CTNND2: variants seen among roughly 807,000 people sequenced by gnomAD.
The protein encoded by CTNND2 is catenin delta 2, also known as catenin delta-2.
A neutral mutation model predicts 144.4 loss-of-function variants in CTNND2; 22 were observed. The observed-to-expected ratio is 0.15, with a 90% confidence interval of 0.11 to 0.22. The LOEUF (loss-of-function observed/expected upper bound fraction) is 0.22. CTNND2 is among the 10% of genes least tolerant of loss of function. The pLI is 1.00. For synonymous variants in CTNND2, 751 were observed against 695.6 expected, an observed-to-expected ratio of 1.08 and a Z score of -1.25; for missense variants, 1,353 against 1,618.8, an observed-to-expected ratio of 0.84 and a Z score of 2.82.
intron 10 of CTNND2, among the ~76,000 whole-genome samples, chr5:11,211,000 C>T (rs1168177488): frequency 6.6e-6 from 1 of 152,104 alleles, no homozygotes; most frequent in Non-Finnish European, 1.5e-5. Flanking sequence ...GAGGATCTCG[C>T]AATTTTCTAG....
chr5:11,500,281 C>T (rs1174551504), intron 3 of CTNND2, among the ~76,000 whole-genome samples: 1 of 152,152 alleles, frequency 6.6e-6, no homozygotes, highest in African/African-American at 2.4e-5. Context: ...ATCCCTAACA[C>T]ATGGCAAGCT....
intron 11 of CTNND2, among the ~76,000 whole-genome samples, chr5:11,170,220 G>A (rs1759760431): frequency 6.6e-6 from 1 of 152,162 alleles, no homozygotes; most frequent in South Asian, 2.1e-4. Context: ...TATTTGAATT[G>A]GAGGGAAGAG....
intron 9 of CTNND2, among the ~76,000 whole-genome samples, chr5:11,335,320 T>A (rs558667233): frequency 6.6e-6 from 1 of 152,334 alleles, no homozygotes; most frequent in South Asian, 2.1e-4. Flanking sequence ...CAATGGAAAT[T>A]AATTTTCATT....
chr5:11,498,935 T>C (rs1403208059), intron 3 of CTNND2, among the ~76,000 whole-genome samples: 2 of 152,204 alleles, frequency 1.3e-5, no homozygotes, highest in African/African-American at 2.4e-5. Flanking sequence ...TTAAATGTAT[T>C]TGATGGCTTT....
intron 3 of CTNND2, among the ~76,000 whole-genome samples, chr5:11,470,119 G>C (rs1293822599): frequency 6.6e-6 from 1 of 152,208 alleles, no homozygotes; most frequent in East Asian, 1.9e-4. Flanking sequence ...CTATTATCAG[G>C]ATAGTTTTAG....
intron 2 of CTNND2, among the ~76,000 whole-genome samples, chr5:11,630,493 G>A (rs1248263336): frequency 6.6e-6 from 1 of 152,120 alleles, no homozygotes; most frequent in East Asian, 1.9e-4. Flanking sequence ...GGTGTAAAGA[G>A]GTCATCTTTT....
intron 19 of CTNND2, among the ~76,000 whole-genome samples, chr5:10,990,166 C>G (rs1434864705): frequency 6.6e-6 from 1 of 152,204 alleles, no homozygotes; most frequent in Admixed American, 6.5e-5. Context: ...TCCACAGTGA[C>G]CCTGTGTAGG....
chr5:11,625,305 ACAAAGAGGTCAACC>A (rs1781094656), intron 2 of CTNND2, among the ~76,000 whole-genome samples: 1 of 152,154 alleles, frequency 6.6e-6, no homozygotes, highest in Admixed American at 6.6e-5. Flanking sequence ...CTGATTTTAA[ACAAAGAGGTCAACC>A]AATCTCATAG....
At chr5:11,623,332 T>C (rs1364118354) in intron 2 of CTNND2, among the ~76,000 whole-genome samples, 1 of 151,922 alleles carries the variant, frequency 6.6e-6, no homozygotes, top group African/African-American at 2.4e-5. Flanking sequence ...ACTATGGGAG[T>C]GGTTTCCCCC....
intron 3 of CTNND2, among the ~76,000 whole-genome samples, chr5:11,471,755 G>A (rs1191248702): frequency 6.6e-6 from 1 of 152,078 alleles, no homozygotes; most frequent in African/African-American, 2.4e-5. Context: ...TCCTTGTCAA[G>A]GCTTAATTCC....
chr5:11,042,496 A>G (rs1389009773), intron 16 of CTNND2, among the ~76,000 whole-genome samples: 4 of 152,162 alleles, frequency 2.6e-5, no homozygotes, highest in Non-Finnish European at 5.9e-5. Flanking sequence ...TTATTAACCA[A>G]TGAGATGTTT....
intron 15 of CTNND2, among the ~76,000 whole-genome samples, chr5:11,093,058 C>T (rs1288236246): frequency 1.3e-5 from 2 of 152,210 alleles, no homozygotes; most frequent in Admixed American, 1.3e-4. Flanking sequence ...GTTGCTATTA[C>T]GTTAGCTCAT....
chr5:11,166,271 T>C (rs1366314060), intron 11 of CTNND2, among the ~76,000 whole-genome samples: 19 of 141,060 alleles, frequency 1.3e-4, no homozygotes, highest in African/African-American at 5.0e-4. Flanking sequence ...TTTTTTGAGA[T>C]GGAGTCTTGC....
At chr5:11,473,220 A>T (rs1309552426) in intron 3 of CTNND2, among the ~76,000 whole-genome samples, 1 of 152,218 alleles carries the variant, frequency 6.6e-6, no homozygotes, top group Non-Finnish European at 1.5e-5. Context: ...AATGGATGAC[A>T]ATTACATTCT....
intron 1 of CTNND2, among the ~76,000 whole-genome samples, chr5:11,733,395 C>G (rs755560304): frequency 2.6e-5 from 4 of 151,976 alleles, no homozygotes. Flanking sequence ...TGTTGCTTGG[C>G]GTGTATGGGA....
At chr5:11,010,085 T>C (rs1401136858) in intron 18 of CTNND2, among the ~76,000 whole-genome samples, 3 of 152,250 alleles carry the variant, frequency 2.0e-5, no homozygotes, top group African/African-American at 4.8e-5. Context: ...GGAGCTACAA[T>C]TGCAAACCTT....
At chr5:11,721,330 TA>T (rs1242315913) in intron 2 of CTNND2, among the ~76,000 whole-genome samples, 17 of 151,954 alleles carry the variant, frequency 1.1e-4, no homozygotes, top group Admixed American at 1.1e-3. Context: ...CAAAACCACA[TA>T]AAAAAGGGAA....
intron 1 of CTNND2, among the ~76,000 whole-genome samples, chr5:11,806,896 G>A (rs1792034766): frequency 6.6e-6 from 1 of 152,212 alleles, no homozygotes; most frequent in African/African-American, 2.4e-5. Context: ...GCAGGGTTGA[G>A]GATAGACAGT....
chr5:11,584,200 G>T (rs1030282405), intron 2 of CTNND2, among the ~76,000 whole-genome samples: 1 of 152,164 alleles, frequency 6.6e-6, no homozygotes, highest in African/African-American at 2.4e-5. Flanking sequence ...AAGAAGGAAC[G>T]TGTGACTAAT....
Sources: gnomAD v4.1 joint callset for allele counts (sites outside exome capture counted in the v4.1 genomes callset) on GRCh38, gnomAD v4.1.1 for gene constraint, MANE v1.5 for transcripts, NCBI Gene and HGNC (gene_info 2026-07-23, HGNC 2026-07-21) for gene names.